SLC36A2: variants seen among roughly 807,000 people sequenced by gnomAD.
SLC36A2 encodes the protein proton-coupled amino acid transporter 2.
A neutral mutation model predicts 42.7 loss-of-function variants in SLC36A2; 39 were observed. The observed-to-expected ratio is 0.91, with a 90% CI of 0.71 to 1.19. The LOEUF (loss-of-function observed/expected upper bound fraction) is 1.19. Among genes scored for constraint, SLC36A2 ranks in the 50% most tolerant of loss-of-function variants. SLC36A2 has a pLI of 0.00. For synonymous variants in SLC36A2, 237 were observed against 240.8 expected (o/e 0.98, Z 0.15); for missense variants, 590 against 613.7 (o/e 0.96, Z 0.41).
At chr5:151,334,605 C>T (rs892797033) in intron 6 of SLC36A2, among the ~76,000 whole-genome samples, 2 of 152,104 alleles carry the variant, frequency 1.3e-5, no homozygotes, top group African/African-American at 2.4e-5. Flanking sequence ...GCAGGAGAAT[C>T]GCTTGAACCC....
intron 1 of SLC36A2, among the ~76,000 whole-genome samples, chr5:151,346,922 T>C (rs2127304766): frequency 6.6e-6 from 1 of 152,302 alleles, no homozygotes; most frequent in Non-Finnish European, 1.5e-5. Context: ...GGACTCACCT[T>C]CTCCTCCAAG....
At chr5:151,335,097 C>G (rs938690488) in intron 6 of SLC36A2, among the ~76,000 whole-genome samples, 1 of 151,744 alleles carries the variant, frequency 6.6e-6, no homozygotes, top group Non-Finnish European at 1.5e-5. Context: ...TTTAAAAAAG[C>G]CAGAATTTGA....
At chr5:151,345,733 G>C (rs1756473314) in intron 1 of SLC36A2, among the ~76,000 whole-genome samples, 1 of 152,166 alleles carries the variant, frequency 6.6e-6, no homozygotes, top group Admixed American at 6.5e-5. Flanking sequence ...TTAACTTTGG[G>C]CCACTCAACC....
intron 7 of SLC36A2, among the ~76,000 whole-genome samples, chr5:151,326,812 C>CTTTTTT (rs5872202): frequency 1.1e-4 from 16 of 142,282 alleles, no homozygotes; most frequent in Non-Finnish European, 7.5e-5. Context: ...ATGAATTTAC[C>CTTTTTT]TTTTTTTTTT....
intron 8 of SLC36A2, 88 bp from the exon 9 acceptor site, chr5:151,322,303 A>G (rs1020929587): frequency 1.3e-6 from 2 of 1,485,194 alleles, no homozygotes; most frequent in South Asian, 2.4e-5. Flanking sequence ...CCTTGGGACA[A>G]TGACTTGGGC....
At chr5:151,324,615 A>G (rs1755798708) in intron 8 of SLC36A2, among the ~76,000 whole-genome samples, 1 of 152,100 alleles carries the variant, frequency 6.6e-6, no homozygotes. Context: ...TACAGGCATG[A>G]GCCATCACGC....
intron 7 of SLC36A2, among the ~76,000 whole-genome samples, chr5:151,331,785 C>G (rs1404005159): frequency 6.6e-6 from 1 of 152,114 alleles, no homozygotes; most frequent in Admixed American, 6.5e-5. Flanking sequence ...CAACTATAAT[C>G]CCCACTACCT....
chr5:151,336,317 G>A (rs1230123442), intron 5 of SLC36A2, among the ~76,000 whole-genome samples: 1 of 152,148 alleles, frequency 6.6e-6, no homozygotes, highest in Non-Finnish European at 1.5e-5. Flanking sequence ...GATTAATTCC[G>A]ATAGTGGAGG....
intron 7 of SLC36A2, among the ~76,000 whole-genome samples, chr5:151,326,252 G>C (rs1030086898): frequency 1.3e-5 from 2 of 152,172 alleles, no homozygotes; most frequent in Admixed American, 6.5e-5. Flanking sequence ...ACAGTCTTTC[G>C]ACAATTGAAT....
rs762957565 is a variant in SLC36A2 at position 151,344,315 on chromosome 5, A to C, written c.165-48T>G. 9 of 1,507,582 alleles carry C rather than the reference A, an allele frequency of 6.0e-6. No homozygotes were observed. The East Asian group carries it at 9.2e-5, about 15-fold the overall frequency. 93.4% of individuals were successfully genotyped at this position (1,507,582 alleles called of 1,614,324 possible). A position where few individuals can be genotyped will look rare whatever the true frequency, so the allele number is the denominator to read the frequency against. On this transcript the variant is annotated intron_variant, in intron 1 of 9. Coordinates refer to ENST00000335244, the MANE Select transcript of SLC36A2 (RefSeq NM_181776.3). ...GAAGTATGGGTGTGTGGAGGTGAGA[A>C]GATCCAGCGGTGATTCCCTTGCAGC... is the stretch of plus-strand genomic sequence containing the variant.
intron 9 of SLC36A2, among the ~76,000 whole-genome samples, chr5:151,318,216 C>T (rs1428574886): frequency 6.6e-6 from 1 of 151,938 alleles, no homozygotes; most frequent in Non-Finnish European, 1.5e-5. Flanking sequence ...TACCGAGGTG[C>T]ATTTTGGATC....
intron 7 of SLC36A2, among the ~76,000 whole-genome samples, chr5:151,329,210 C>T (rs1375520010): frequency 6.6e-6 from 1 of 152,164 alleles, no homozygotes; most frequent in Non-Finnish European, 1.5e-5. Context: ...CACTGTGTAG[C>T]ACATGAGCAG....
At chr5:151,325,596 A>G in intron 7 of SLC36A2, 144 bp from the exon 8 acceptor site, 1 of 906,480 alleles carries the variant, frequency 1.1e-6, no homozygotes, top group Non-Finnish European at 1.7e-6. Flanking sequence ...CAGTAGTGCT[A>G]TTCACATAGC....
intron 7 of SLC36A2, among the ~76,000 whole-genome samples, chr5:151,328,748 T>G (rs1755915929): frequency 6.6e-6 from 1 of 152,164 alleles, no homozygotes; most frequent in Non-Finnish European, 1.5e-5. Flanking sequence ...TGGGCCCCAG[T>G]ACAAAATGAA....
At chr5:151,338,962 T>C (rs1200268951) in intron 5 of SLC36A2, 98 bp downstream of exon 5, 2 of 886,102 alleles carry the variant, frequency 2.3e-6, no homozygotes, top group Non-Finnish European at 3.7e-6. Flanking sequence ...CTTTGTTACA[T>C]TGATGAGGAC....
chr5:151,317,299 A>G (rs1220778504), intron 9 of SLC36A2, among the ~76,000 whole-genome samples: 6 of 152,044 alleles, frequency 3.9e-5, no homozygotes, highest in African/African-American at 1.4e-4. Context: ...TAAAAATACA[A>G]AAATCAGCCG....
intron 8 of SLC36A2, among the ~76,000 whole-genome samples, chr5:151,324,378 G>C (rs773268521): frequency 6.6e-6 from 1 of 151,590 alleles, no homozygotes; most frequent in Non-Finnish European, 1.5e-5. Flanking sequence ...TGTTGCCCAG[G>C]CTGGAGTTCA....
At chr5:151,344,154 C>T (rs1271670481) in intron 2 of SLC36A2, 23 bp downstream of exon 2, 3 of 1,608,896 alleles carry the variant, frequency 1.9e-6, no homozygotes, top group African/African-American at 1.3e-5. Context: ...CCATAAAGCC[C>T]CCACATGTGG....
In SLC36A2 at chr5:151,335,341, C is replaced by T. The variant is rs371901373; in HGVS notation, c.732G>A (p.Gln244=). Residue 244 remains glutamine (Q), a synonymous_variant, in exon 6 of 10, where the codon CAG becomes CAA. Transcript: ENST00000335244. ...GGTGTGCACTCACCTGGGTAATGTACTGTATGATGATGACCAAGCTGACCA... is the reference window on the plus strand; with the variant it reads ...GGTGTGCACTCACCTGGGTAATGTATTGTATGATGATGACCAAGCTGACCA... ...SMLVSLVIII[Q]YITQEIPDPS... 4.9e-5 allele frequency: 79 copies of T among 1,612,768 alleles called. No homozygotes were observed. Among genetic ancestry groups the T allele is most frequent in the Admixed American group, 1.5e-4 (9 of 59,854 alleles).
Sources: gnomAD v4.1 joint callset for allele counts (sites outside exome capture counted in the v4.1 genomes callset) on GRCh38, gnomAD v4.1.1 for gene constraint, MANE v1.5 for transcripts, NCBI Gene and HGNC (gene_info 2026-07-23, HGNC 2026-07-21) for gene names.